Variants in DYDC2 observed in about 807,000 individuals in gnomAD.
DYDC2 encodes DPY30 domain-containing protein 2.
DYDC2 carries 19 observed loss-of-function variants against 18.7 expected under a neutral mutation model. The ratio of observed to expected loss-of-function variants is 1.02; its 90% CI spans 0.71 to 1.49. DYDC2 has a LOEUF of 1.49. DYDC2 is among the 40% of genes most tolerant of loss of function. The pLI, the probability that DYDC2 is intolerant of heterozygous loss-of-function variation, is 0.00. For missense variants in DYDC2, 179 were observed against 205.1 expected (o/e 0.87, Z 0.78); for synonymous variants, 63 against 67.6 (o/e 0.93, Z 0.34).
In DYDC2 at chr10:80,357,924, C is replaced by T; in HGVS notation, c.-131C>T. The T allele has an allele frequency of 1.0e-6, 1 of 985,148 alleles. No homozygotes were observed. The allele number at this position is 985,148 out of a possible 1,614,324, so 61.0% of individuals were successfully genotyped here. A position where few individuals can be genotyped will look rare whatever the true frequency, so the allele number is the denominator to read the frequency against. ...CAGTGTGCCAAGCGTGGGCGGTATA[C>T]AGTAAACAAAGACAACCCCTATTCT... On this transcript the variant is annotated 5_prime_UTR_variant, in exon 2 of 5. Coordinates refer to ENST00000256039, the MANE Select transcript of DYDC2 (RefSeq NM_032372.6).
chr10:80,355,134 G>T (rs1843281680), upstream of DYDC2, among the ~76,000 whole-genome samples: 1 of 151,542 alleles, frequency 6.6e-6, no homozygotes, highest in African/African-American at 2.4e-5. Context: ...ACAAAGAAGA[G>T]AAGAGTCTTC....
At position 80,345,361 on chromosome 10, in the gene DYDC2, A is replaced by T. The variant is rs575903292; in HGVS notation, c.-310+546A>T. 3.9e-5 allele frequency among the ~76,000 whole-genome samples: 6 copies of T among 152,350 alleles called. No individual in the cohort carries two copies. The East Asian group carries it at 1.2e-3, about 29-fold the overall frequency. ...ATGCATATAATGTTTTGATATATAT[A>T]GTGAATGCTTACCACAGGTAAGCAA... is the stretch of plus-strand genomic sequence containing the variant. On this transcript the variant is annotated intron_variant, in intron 1 of 4. Transcript: ENST00000372197.
At chr10:80,354,486 CAA>C (rs1012219418), upstream of DYDC2, 15 of 69,282 alleles carry the variant, frequency 2.2e-4, no homozygotes, top group Middle Eastern at 7.5e-3. Flanking sequence ...AACTTCGTCT[CAA>C]AAAAAAAAAA....
At chr10:80,365,204 T>C (rs989082426) in intron 4 of DYDC2, among the ~76,000 whole-genome samples, 5 of 152,206 alleles carry the variant, frequency 3.3e-5, no homozygotes, top group African/African-American at 9.6e-5. Flanking sequence ...AGCAAGTCTT[T>C]AAGTATCCCA....
Position 80,357,961 on chromosome 10 carries a change from C to G in DYDC2, c.-94C>G. ...ACAACCCCTATTCTTATCACCTTGCCTACTGAGTGCAAGTCCAGGAACTGT... is the reference window on the plus strand; with the variant it reads ...ACAACCCCTATTCTTATCACCTTGCGTACTGAGTGCAAGTCCAGGAACTGT... On this transcript the variant is annotated 5_prime_UTR_variant, in exon 2 of 5. Transcript: ENST00000256039. 1.0e-6 allele frequency: 1 copy of G among 985,136 alleles called. No homozygotes were observed. The highest frequency in any genetic ancestry group is 1.2e-6 in the Non-Finnish European group (1 of 829,678). 61.0% of individuals were successfully genotyped at this position (985,136 alleles called of 1,614,324 possible). A position where few individuals can be genotyped will look rare whatever the true frequency, so the allele number is the denominator to read the frequency against.
intron 1 of DYDC2, among the ~76,000 whole-genome samples, chr10:80,348,628 T>C (rs1209408284): frequency 4.6e-5 from 7 of 152,222 alleles, no homozygotes; most frequent in African/African-American, 1.7e-4. Context: ...GCAAAGGAAA[T>C]TTCCATATTC....
chr10:80,366,668 C>CT lies in DYDC2; in HGVS notation c.271-14dup, dbSNP rs780696235. 3 of 1,577,420 alleles carry CT rather than the reference C, an allele frequency of 1.9e-6. No individual in the cohort carries two copies. Among genetic ancestry groups the CT allele is most frequent in the African/African-American group, 1.4e-5 (1 of 73,142 alleles). On this transcript the variant is annotated intron_variant, in intron 4 of 4. Coordinates refer to ENST00000256039, the MANE Select transcript of DYDC2 (RefSeq NM_032372.6). Reference sequence around the variant, plus strand: ...TTAGTCTCTAATAATAAGTTTTCGGCTTTTTTGTTTTCTATTTAGGAACTG... The same window carrying CT: ...TTAGTCTCTAATAATAAGTTTTCGGCTTTTTTTGTTTTCTATTTAGGAACTG...
chr10:80,361,466 A>G (rs1439798090), intron 2 of DYDC2, among the ~76,000 whole-genome samples: 1 of 152,180 alleles, frequency 6.6e-6, no homozygotes, highest in African/African-American at 2.4e-5. Flanking sequence ...GAGACTATGC[A>G]TATATCTTAT....
upstream of DYDC2, chr10:80,356,228 TA>T: frequency 8.1e-6 from 8 of 983,156 alleles, no homozygotes; most frequent in Non-Finnish European, 9.7e-6. Context: ...TCTCCTGTGG[TA>T]AGCAATGTTA....
rs116363625 is a variant in DYDC2, at chr10:80,359,021, G to C, written c.-10+976G>C. Reference sequence around the variant, plus strand: ...GCAAGATTTACTACAAAGAGCAAAAGAACAAAGCTTCCAGTGTGGAAGGGA... The same window carrying C: ...GCAAGATTTACTACAAAGAGCAAAACAACAAAGCTTCCAGTGTGGAAGGGA... On this transcript the variant is annotated intron_variant, in intron 2 of 4. Coordinates refer to ENST00000256039, the MANE Select transcript of DYDC2 (RefSeq NM_032372.6). Among the ~76,000 whole-genome samples the C allele has an allele frequency of 8.5e-3, 1,297 of 152,316 alleles. 22 individuals carry two copies. Among genetic ancestry groups the C allele is most frequent in the African/African-American group, 0.03 (1,242 of 41,564 alleles).
chr10:80,357,182 A>G, intron 1 of DYDC2, among the ~76,000 whole-genome samples: 1 of 115,064 alleles, frequency 8.7e-6, no homozygotes, highest in African/African-American at 3.5e-5. Flanking sequence ...CAGAGAGGAG[A>G]GGGAATGAAA....
intron 4 of DYDC2, 94 bp from the exon 5 acceptor site, chr10:80,366,594 C>CA: frequency 7.0e-7 from 1 of 1,438,460 alleles, no homozygotes; most frequent in South Asian, 1.4e-5. Context: ...TTCTTAGTCT[C>CA]TGGCATGAAA....
chr10:80,345,048 A>G (rs1228301784), intron 1 of DYDC2, among the ~76,000 whole-genome samples: 1 of 84,464 alleles, frequency 1.2e-5, no homozygotes, highest in African/African-American at 6.6e-5. Context: ...AAATTTACAA[A>G]GCTCATGAGA....
chr10:80,349,591 A>C (rs1302464075), intron 1 of DYDC2, among the ~76,000 whole-genome samples: 1 of 152,250 alleles, frequency 6.6e-6, no homozygotes, highest in Admixed American at 6.5e-5. Context: ...TACTAAGATA[A>C]AAGTGATGGG....
chr10:80,366,601 G>A (rs1843844389), intron 4 of DYDC2, 87 bp from the exon 5 acceptor site: 1 of 1,468,470 alleles, frequency 6.8e-7, no homozygotes, highest in Non-Finnish European at 9.1e-7. Flanking sequence ...TCTCTGGCAT[G>A]AAAATAGCAA....
chr10:80,365,615 A>G (rs1843805855), intron 4 of DYDC2, among the ~76,000 whole-genome samples: 1 of 152,202 alleles, frequency 6.6e-6, no homozygotes, highest in Non-Finnish European at 1.5e-5. Flanking sequence ...GCAAAGATTG[A>G]AGTGGAGGGG....
At chr10:80,362,354 TCTG>T in intron 2 of DYDC2, 78 bp from the exon 3 acceptor site, 1 of 1,512,122 alleles carries the variant, frequency 6.6e-7, no homozygotes, top group East Asian at 2.3e-5. Context: ...CTGAAATAAA[TCTG>T]AATTGGTTAG....
chr10:80,357,505 A>G (rs1843455471), intron 1 of DYDC2, among the ~76,000 whole-genome samples: 1 of 152,042 alleles, frequency 6.6e-6, no homozygotes, highest in South Asian at 2.1e-4. Flanking sequence ...GCCAATCGGA[A>G]AAGGGTGGAA....
intron 2 of DYDC2, among the ~76,000 whole-genome samples, chr10:80,358,830 T>TTCTTAAAGGCGGCGTG (rs555794328): frequency 3.3e-5 from 5 of 152,222 alleles, no homozygotes; most frequent in South Asian, 4.2e-4. Flanking sequence ...AGTATTACAG[T>TTCTTAAAGGCGGCGTG]TCTTAAAGGC....
Sources: allele counts gnomAD v4.1 joint callset (sites outside exome capture counted in the v4.1 genomes callset), GRCh38; gene constraint gnomAD v4.1.1; transcripts MANE v1.5; gene names NCBI Gene and HGNC (gene_info 2026-07-23, HGNC 2026-07-21).